Variants in GCNT1 observed in about 807,000 individuals in gnomAD.
GCNT1 encodes beta-1,3-galactosyl-O-glycosyl-glycoprotein beta-1,6-N-acetylglucosaminyltransferase.
GCNT1 carries 16 observed loss-of-function variants against 26.2 expected under a neutral mutation model. That is an observed-to-expected ratio of 0.61 (90% CI 0.41 to 0.93). GCNT1 has a LOEUF of 0.93. Among genes scored for constraint, GCNT1 ranks in the 40% least tolerant of loss-of-function variants. The pLI is 0.00. For missense variants in GCNT1, 477 were observed against 526.7 expected (o/e 0.91, Z 0.92); for synonymous variants, 183 against 190.8 (o/e 0.96, Z 0.34).
chr9:76,411,562 C>T, the GCNT1 span, among the ~76,000 whole-genome samples: 2 of 151,852 alleles, frequency 1.3e-5, no homozygotes, highest in Admixed American at 6.6e-5. Context: ...ATCCTGGGCT[C>T]AAGCCATCCA....
At chr9:76,481,388 T>C (rs1174487760) in intron 2 of GCNT1, among the ~76,000 whole-genome samples, 2 of 149,912 alleles carry the variant, frequency 1.3e-5, no homozygotes, top group African/African-American at 2.5e-5. Context: ...TTGTAAACTT[T>C]AATACATGAG....
chr9:76,413,653 G>GTTTTGTTTTTTTTTGTTT, the GCNT1 span, among the ~76,000 whole-genome samples: 1 of 118,664 alleles, frequency 8.4e-6, no homozygotes, highest in Non-Finnish European at 1.8e-5. Flanking sequence ...GTTTTGTTTT[G>GTTTTGTTTTTTTTTGTTT]TTTTTTTTTT....
chr9:76,411,162 A>G, the GCNT1 span, among the ~76,000 whole-genome samples: 2 of 152,158 alleles, frequency 1.3e-5, no homozygotes, highest in African/African-American at 2.4e-5. Context: ...CTGTATTTTA[A>G]TTGGTATATT....
intron 2 of GCNT1, among the ~76,000 whole-genome samples, chr9:76,467,216 G>A (rs1485491597): frequency 6.6e-6 from 1 of 152,108 alleles, no homozygotes; most frequent in Non-Finnish European, 1.5e-5. Flanking sequence ...CTAATTTTTT[G>A]TATTTTTAGT....
At chr9:76,494,983 A>G (rs1047492271) in intron 2 of GCNT1, among the ~76,000 whole-genome samples, 6 of 152,198 alleles carry the variant, frequency 3.9e-5, no homozygotes, top group African/African-American at 9.6e-5. Context: ...GGGGGTTGTT[A>G]GGTAGCCATT....
At chr9:76,429,574 T>C (rs1400711824) in intron 1 of GCNT1, among the ~76,000 whole-genome samples, 2 of 152,146 alleles carry the variant, frequency 1.3e-5, no homozygotes, top group Non-Finnish European at 2.9e-5. Flanking sequence ...CTAAGATAGT[T>C]TATTCATATG....
chr9:76,499,468 T>C (rs512269), intron 2 of GCNT1, among the ~76,000 whole-genome samples: 124,751 of 152,162 alleles, frequency 0.82, 51,765 homozygotes, highest in African/African-American at 0.94. Flanking sequence ...TCACTGCCTT[T>C]TGGTCTCCAT....
intron 2 of GCNT1, among the ~76,000 whole-genome samples, chr9:76,484,158 C>A (rs7862822): frequency 0.27 from 41,764 of 152,042 alleles, 6,047 homozygotes; most frequent in African/African-American, 0.32. Flanking sequence ...AGGCAGGAGG[C>A]TTGCTTGAGG....
At chr9:76,479,916 T>C (rs1824374226) in intron 2 of GCNT1, among the ~76,000 whole-genome samples, 1 of 152,220 alleles carries the variant, frequency 6.6e-6, no homozygotes, top group Admixed American at 6.5e-5. Context: ...GTTTTAGACA[T>C]GAAGTCCTTG....
rs1825178794 is a variant in GCNT1 at position 76,504,407 on chromosome 9, G to A, written c.*739G>A. 1 of 209,066 alleles carries A rather than the reference G, an allele frequency of 4.8e-6. No individual in the cohort carries two copies. The highest frequency in any genetic ancestry group is 1.0e-5 in the Non-Finnish European group (1 of 96,512). The allele number at this position is 209,066 out of a possible 1,614,324, so 13.0% of individuals were successfully genotyped here. On this transcript the variant is annotated 3_prime_UTR_variant, in exon 4 of 4. Coordinates refer to ENST00000376730, the MANE Select transcript of GCNT1 (RefSeq NM_001490.5). ...TTAAAAAAATTATAGCTTCTACCAA[G>A]AGAAACACTCAATTTTTCTAGAGAT...
intron 2 of GCNT1, among the ~76,000 whole-genome samples, chr9:76,499,441 C>T (rs1020899742): frequency 3.9e-5 from 6 of 152,204 alleles, no homozygotes; most frequent in Middle Eastern, 6.8e-3. Context: ...AAACTTTCTG[C>T]GCGTTGAATA....
rs147289945 is a variant in GCNT1, at chr9:76,505,824, G to A, written c.*2156G>A. 0.032 allele frequency: 5,392 copies of A among 166,186 alleles called. 127 individuals are homozygous for A. Among genetic ancestry groups the A allele is most frequent in the Middle Eastern group, 0.071 (21 of 296 alleles). 10.3% of individuals were successfully genotyped at this position (166,186 alleles called of 1,614,324 possible). ...ATCTGATTTATATTTAAATTGGCAG[G>A]TTTTGAGGGATTTTTTTCTTCATCA... On this transcript the variant is annotated 3_prime_UTR_variant, in exon 4 of 4. Coordinates refer to ENST00000376730, the MANE Select transcript of GCNT1 (RefSeq NM_001490.5).
At chr9:76,502,159 C>G (rs1825088414) in intron 3 of GCNT1, 80 bp from the exon 4 acceptor site, 3 of 112,572 alleles carry the variant, frequency 2.7e-5, no homozygotes, top group Non-Finnish European at 4.6e-5. Context: ...GTGAAAAACT[C>G]TCTCTCTCTC....
the GCNT1 span, among the ~76,000 whole-genome samples, chr9:76,405,288 A>AACACACAC: frequency 0.011 from 1,592 of 149,732 alleles, 6 homozygotes; most frequent in Middle Eastern, 0.024. Flanking sequence ...CCTGACCTTC[A>AACACACAC]ACACACACAC....
chr9:76,460,525 A>G lies in GCNT1; in HGVS notation c.-290+348A>G, dbSNP rs145130325. 7.3e-4 allele frequency among the ~76,000 whole-genome samples: 111 copies of G among 152,236 alleles called. 1 individual carries two copies. In the East Asian group the frequency reaches 0.019, roughly 26 times the overall value. On this transcript the variant is annotated intron_variant, in intron 2 of 3. Coordinates refer to ENST00000376730, the MANE Select transcript of GCNT1 (RefSeq NM_001490.5). ...CTTAGTAGTTTTTAAAGATCAGTGTAAATTACCTGCTAGGAGCTTAGGCAA... is the reference window on the plus strand; with the variant it reads ...CTTAGTAGTTTTTAAAGATCAGTGTGAATTACCTGCTAGGAGCTTAGGCAA...
intron 1 of GCNT1, among the ~76,000 whole-genome samples, chr9:76,443,472 A>G (rs1242306474): frequency 6.6e-6 from 1 of 152,238 alleles, no homozygotes; most frequent in African/African-American, 2.4e-5. Context: ...CTGCAGCAGG[A>G]GCATGTCCTT....
At chr9:76,484,061 T>A (rs1824499512) in intron 2 of GCNT1, among the ~76,000 whole-genome samples, 1 of 152,242 alleles carries the variant, frequency 6.6e-6, no homozygotes, top group African/African-American at 2.4e-5. Context: ...ATGTGGGTTA[T>A]ATCTATTGGT....
the GCNT1 span, among the ~76,000 whole-genome samples, chr9:76,413,648 G>GT: frequency 4.3e-4 from 12 of 28,106 alleles, no homozygotes; most frequent in Admixed American, 2.9e-3. Flanking sequence ...TTTTTGTTTT[G>GT]TTTTGTTTTT....
chr9:76,400,085 G>A, the GCNT1 span, among the ~76,000 whole-genome samples: 1 of 152,134 alleles, frequency 6.6e-6, no homozygotes, highest in African/African-American at 2.4e-5. Flanking sequence ...GAGGTCGGAG[G>A]GAGGGATGAA....
Sources: gnomAD v4.1 joint callset for allele counts (sites outside exome capture counted in the v4.1 genomes callset) on GRCh38, gnomAD v4.1.1 for gene constraint, MANE v1.5 for transcripts, NCBI Gene and HGNC (gene_info 2026-07-23, HGNC 2026-07-21) for gene names.